Variants in EXOC4 observed in about 807,000 individuals in gnomAD.
The protein encoded by EXOC4 is SEC8-like 1.
A neutral mutation model predicts 107.2 loss-of-function variants in EXOC4; 71 were observed. The observed-to-expected ratio is 0.66, with a 90% confidence interval of 0.55 to 0.81. The LOEUF (loss-of-function observed/expected upper bound fraction) is 0.81, where lower values mean the gene tolerates loss of function less well. Ranked by LOEUF, EXOC4 falls within the 30% of genes least tolerant of loss-of-function variation. The pLI is 0.00. For missense variants in EXOC4, 1,108 were observed against 1,189.6 expected, an observed-to-expected ratio of 0.93 and a Z score of 1.01; for synonymous variants, 456 against 441.2, an observed-to-expected ratio of 1.03 and a Z score of -0.42.
chr7:133,594,363 C>T (rs1490760423), intron 9 of EXOC4, among the ~76,000 whole-genome samples: 4 of 152,100 alleles, frequency 2.6e-5, no homozygotes, highest in Admixed American at 2.0e-4. Flanking sequence ...TTATTGAGAT[C>T]CTACCATGTG....
chr7:133,835,370 A>G (rs1298734807), intron 11 of EXOC4, among the ~76,000 whole-genome samples: 1 of 152,198 alleles, frequency 6.6e-6, no homozygotes. Flanking sequence ...GACACATGCA[A>G]CGTCAATACA....
intron 9 of EXOC4, among the ~76,000 whole-genome samples, chr7:133,482,406 C>G (rs1301569701): frequency 6.6e-6 from 1 of 152,144 alleles, no homozygotes; most frequent in African/African-American, 2.4e-5. Flanking sequence ...CACTCACACT[C>G]AAGCATAAAT....
intron 10 of EXOC4, among the ~76,000 whole-genome samples, chr7:133,634,148 A>AC (rs1254690269): frequency 8.5e-5 from 13 of 152,244 alleles, no homozygotes; most frequent in Admixed American, 2.0e-4. Context: ...AAATTATTAT[A>AC]CCGGGTCCTC....
chr7:133,917,049 C>T (rs1799825379), intron 12 of EXOC4, among the ~76,000 whole-genome samples: 1 of 152,098 alleles, frequency 6.6e-6, no homozygotes, highest in Admixed American at 6.5e-5. Context: ...TTCTGCCTGA[C>T]AACTGGGGCT....
At chr7:133,469,114 A>G (rs1380174836) in intron 7 of EXOC4, among the ~76,000 whole-genome samples, 7 of 152,188 alleles carry the variant, frequency 4.6e-5, no homozygotes, top group African/African-American at 1.7e-4. Context: ...GAATACGTGA[A>G]GTTAGTAGTC....
At chr7:133,287,311 A>G (rs1224599455) in intron 2 of EXOC4, among the ~76,000 whole-genome samples, 1 of 151,736 alleles carries the variant, frequency 6.6e-6, no homozygotes, top group Non-Finnish European at 1.5e-5. Flanking sequence ...ATATATATAT[A>G]TATGTATATT....
chr7:133,618,259 ATGTT>A (rs1168181905), intron 9 of EXOC4, among the ~76,000 whole-genome samples: 1 of 150,994 alleles, frequency 6.6e-6, no homozygotes, highest in Non-Finnish European at 1.5e-5. Context: ...ATCTGTATTT[ATGTT>A]TATTTAATCT....
chr7:133,253,361 CT>C (rs997178885), intron 1 of EXOC4, 174 bp downstream of exon 1: 34 of 1,398,496 alleles, frequency 2.4e-5, no homozygotes, highest in African/African-American at 8.8e-5. Flanking sequence ...CCCCCTCCAC[CT>C]TTTTTTTCTG....
chr7:133,704,641 A>G (rs2151090259), intron 10 of EXOC4, among the ~76,000 whole-genome samples: 1 of 152,302 alleles, frequency 6.6e-6, no homozygotes, highest in South Asian at 2.1e-4. Flanking sequence ...GCATTGTATT[A>G]CACTTTGTGA....
At chr7:133,631,573 T>C (rs1428962759) in intron 10 of EXOC4, among the ~76,000 whole-genome samples, 1 of 152,090 alleles carries the variant, frequency 6.6e-6, no homozygotes, top group Non-Finnish European at 1.5e-5. Context: ...TTATTGCCTT[T>C]AAGAAGTCTG....
At chr7:133,734,433 A>AC (rs1158412113) in intron 10 of EXOC4, among the ~76,000 whole-genome samples, 2 of 57,372 alleles carry the variant, frequency 3.5e-5, no homozygotes, top group Non-Finnish European at 7.2e-5. Context: ...ATAATTCTTC[A>AC]CTTTTTTTTT....
rs185447250 is a variant in EXOC4 at position 134,002,921 on chromosome 7, C to T, written c.2349-1991C>T. On this transcript the variant is annotated intron_variant, in intron 15 of 17. Coordinates refer to ENST00000253861, the MANE Select transcript of EXOC4 (RefSeq NM_021807.4). ...TTGGAAAGCAATTGGTAATTTCTTA[C>T]AAAAGTAAACATACACTTACCATAA... Among the ~76,000 whole-genome samples, 912 of 152,154 alleles carry T rather than the reference C, an allele frequency of 6.0e-3. 4 individuals carry two copies. The highest frequency in any genetic ancestry group is 9.2e-3 in the Non-Finnish European group (627 of 67,990).
intron 2 of EXOC4, among the ~76,000 whole-genome samples, chr7:133,279,580 A>G (rs530987188): frequency 6.6e-6 from 1 of 152,172 alleles, no homozygotes; most frequent in Non-Finnish European, 1.5e-5. Context: ...GTGCAGTAGC[A>G]CTATCATGAA....
intron 9 of EXOC4, among the ~76,000 whole-genome samples, chr7:133,544,120 G>T (rs1178900232): frequency 6.6e-6 from 1 of 152,004 alleles, no homozygotes; most frequent in African/African-American, 2.4e-5. Context: ...CAAGTATTAA[G>T]AAATCAGCAT....
the EXOC4 span, among the ~76,000 whole-genome samples, chr7:134,094,549 C>G: frequency 1.3e-5 from 2 of 152,082 alleles, no homozygotes; most frequent in African/African-American, 4.8e-5. Context: ...AGAGACTCCT[C>G]CCTAACTCAT....
intron 11 of EXOC4, among the ~76,000 whole-genome samples, chr7:133,884,340 AACGACCTC>A (rs1470493947): frequency 2.6e-5 from 4 of 152,200 alleles, no homozygotes; most frequent in Admixed American, 2.6e-4. Context: ...CCCTCGCACC[AACGACCTC>A]CACCTGGCAA....
At chr7:133,700,293 C>T (rs1339670910) in intron 10 of EXOC4, among the ~76,000 whole-genome samples, 1 of 152,116 alleles carries the variant, frequency 6.6e-6, no homozygotes, top group Non-Finnish European at 1.5e-5. Flanking sequence ...TTCAAAATTA[C>T]TTATTTTCTC....
chr7:133,299,903 A>G (rs373968596), intron 3 of EXOC4, among the ~76,000 whole-genome samples: 2 of 152,196 alleles, frequency 1.3e-5, no homozygotes, highest in African/African-American at 4.8e-5. Context: ...ACCAACAAGC[A>G]CTGATATCTC....
chr7:133,293,705 A>C (rs1794457271), intron 3 of EXOC4, among the ~76,000 whole-genome samples: 1 of 152,230 alleles, frequency 6.6e-6, no homozygotes, highest in Non-Finnish European at 1.5e-5. Context: ...CGAGTATTGC[A>C]TAAAATAATT....
Sources: gnomAD v4.1 joint callset for allele counts (sites outside exome capture counted in the v4.1 genomes callset) on GRCh38, gnomAD v4.1.1 for gene constraint, MANE v1.5 for transcripts, NCBI Gene and HGNC (gene_info 2026-07-23, HGNC 2026-07-21) for gene names.